Variants in FOXC2 observed in about 807,000 individuals in gnomAD.
The protein encoded by FOXC2 is forkhead box protein C2.
In FOXC2, 7 loss-of-function variants were observed where a neutral mutation model predicts 7.2. That is an observed-to-expected ratio of 0.97 (90% CI 0.55 to 1.81). The LOEUF (loss-of-function observed/expected upper bound fraction) is 1.81, where lower values mean the gene tolerates loss of function less well. Ranked by LOEUF, FOXC2 falls within the 40% of genes most tolerant of loss-of-function variation. The pLI, the probability that FOXC2 is intolerant of heterozygous loss-of-function variation, is 0.00. For synonymous variants in FOXC2, 436 were observed against 350.4 expected, an observed-to-expected ratio of 1.24 and a Z score of -2.73; for missense variants, 846 against 741.2, an observed-to-expected ratio of 1.14 and a Z score of -1.64.
Position 86,568,648 on chromosome 16 carries a change from A to T in FOXC2, c.1313A>T (p.His438Leu), listed in dbSNP as rs761837862. ...HSGDLNHLPGHTFAAQQQTFP... is the reference protein window; with the variant it reads ...HSGDLNHLPGLTFAAQQQTFP... ...GGGGACCTGAACCACCTCCCCGGCC[A>T]CACGTTCGCGGCCCAGCAGCAAACT... The change falls in exon 1 of 1, where the codon CAC (histidine) becomes CTC (leucine). Residue 438 changes from histidine (H) to leucine (L), a missense_variant. By Grantham distance (99) the His-to-Leu change is moderately conservative. Around this residue, in one of 3 missense-constraint regions of FOXC2, gnomAD observed 640 missense variants for 503.2 expected, o/e 1.27. Coordinates refer to ENST00000649859, the MANE Select transcript of FOXC2 (RefSeq NM_005251.3). The surrounding 1 kb of genome is among the most constrained non-coding windows in gnomAD (Gnocchi z 5.2). 8 of 1,612,426 alleles carry T rather than the reference A, an allele frequency of 5.0e-6. 1 individual carries two copies. In the South Asian group the frequency reaches 8.8e-5, roughly 18 times the overall value.
chr16:86,567,396 G>C lies in FOXC2; in HGVS notation c.61G>C (p.Glu21Gln). 6 of 1,613,290 alleles carry C rather than the reference G, an allele frequency of 3.7e-6. No homozygotes were observed. Among genetic ancestry groups the C allele is most frequent in the Non-Finnish European group, 5.1e-6 (6 of 1,179,860 alleles). Residue 21 changes from glutamate to glutamine, a missense_variant, in exon 1 of 1, where the codon GAG becomes CAG. By Grantham distance (29) the Glu-to-Gln change is conservative (BLOSUM62 2). This residue lies in a region of FOXC2 where 154 missense variants were observed against 134.2 expected (regional missense o/e 1.15). Transcript: ENST00000649859. ...NALGVVPYLS[E>Q]QNYYRAAGSY... ...CCTGGGAGTGGTGCCCTACCTGAGCGAGCAGAATTACTACCGGGCTGCGGG... is the reference window on the plus strand; with the variant it reads ...CCTGGGAGTGGTGCCCTACCTGAGCCAGCAGAATTACTACCGGGCTGCGGG...
chr16:86,568,659 G>A lies in FOXC2; in HGVS notation c.1324G>A (p.Ala442Thr). Residue 442 changes from alanine to threonine, a missense_variant, in exon 1 of 1, where the codon GCC becomes ACC. Ala to Thr is a moderately conservative substitution (Grantham distance 58). Around this residue, in one of 3 missense-constraint regions of FOXC2, gnomAD observed 640 missense variants for 503.2 expected, o/e 1.27. Coordinates refer to ENST00000649859, the MANE Select transcript of FOXC2 (RefSeq NM_005251.3). This position sits in a 1 kb window ranked among gnomAD's most constrained non-coding sequence, Gnocchi z 5.2. ...CCACCTCCCCGGCCACACGTTCGCG[G>A]CCCAGCAGCAAACTTTCCCCAACGT... is the stretch of plus-strand genomic sequence containing the variant. ...LNHLPGHTFA[A>T]QQQTFPNVRE... The A allele has an allele frequency of 2.5e-6, 4 of 1,612,660 alleles. No individual in the cohort carries two copies. The highest frequency in any genetic ancestry group is 3.4e-6 in the Non-Finnish European group (4 of 1,179,934).
chr16:86,567,259 C>A lies in FOXC2; in HGVS notation c.-77C>A. 1.9e-6 allele frequency: 3 copies of A among 1,556,356 alleles called. No individual in the cohort carries two copies. The highest frequency in any genetic ancestry group is 2.3e-5 in the East Asian group (1 of 43,498). On this transcript the variant is annotated 5_prime_UTR_variant, in exon 1 of 1. Coordinates refer to ENST00000649859, the MANE Select transcript of FOXC2 (RefSeq NM_005251.3). ...TCCCCCTCTGGCTCTCTCGCGCTCTCTCGCTCTCAGGGCCCCCCTCGCTCC... is the reference window on the plus strand; with the variant it reads ...TCCCCCTCTGGCTCTCTCGCGCTCTATCGCTCTCAGGGCCCCCCTCGCTCC...
At position 86,567,370 on chromosome 16, in the gene FOXC2, C is replaced by T. The variant is rs773874147; in HGVS notation, c.35C>T (p.Ala12Val). ...QARYSVSDPN[A>V]LGVVPYLSEQ... Reference sequence around the variant, plus strand: ...CGCTACTCCGTGTCCGACCCCAACGCCCTGGGAGTGGTGCCCTACCTGAGC... The same window carrying T: ...CGCTACTCCGTGTCCGACCCCAACGTCCTGGGAGTGGTGCCCTACCTGAGC... The change falls in exon 1 of 1, where the codon GCC (alanine) becomes GTC (valine). Residue 12 changes from alanine to valine, a missense_variant. This residue lies in a region of FOXC2 where 154 missense variants were observed against 134.2 expected (regional missense o/e 1.15). Coordinates refer to ENST00000649859, the MANE Select transcript of FOXC2 (RefSeq NM_005251.3). The T allele has an allele frequency of 9.3e-6, 15 of 1,613,136 alleles. No homozygotes were observed. The South Asian group carries it at 9.9e-5, about 11-fold the overall frequency.
Position 86,568,991 on chromosome 16 carries a change from G to A in FOXC2, c.*150G>A, listed in dbSNP as rs886445584. On this transcript the variant is annotated 3_prime_UTR_variant, in exon 1 of 1. Coordinates refer to ENST00000649859, the MANE Select transcript of FOXC2 (RefSeq NM_005251.3). The surrounding 1 kb of genome is among the most constrained non-coding windows in gnomAD (Gnocchi z 5.2). ...AGACCCGGGAGCAGAGAGCGGGCAC[G>A]CTAGCCCCCAGCCGTCTGTGAAGAG... is the stretch of plus-strand genomic sequence containing the variant. The A allele has an allele frequency of 2.9e-6, 3 of 1,045,604 alleles. No individual in the cohort carries two copies. The highest frequency in any genetic ancestry group is 4.3e-6 in the Non-Finnish European group (3 of 699,108). 64.8% of individuals were successfully genotyped at this position (1,045,604 alleles called of 1,614,324 possible). A position where few individuals can be genotyped will look rare whatever the true frequency, so the allele number is the denominator to read the frequency against.
rs1434797389 is a variant in FOXC2, at chr16:86,569,242, A to G, written c.*401A>G. On this transcript the variant is annotated 3_prime_UTR_variant, in exon 1 of 1. Transcript: ENST00000649859. ...CCCATAGGTGTATGGGGGTCTCTATAGATAATATATGTGCTGTGTGTAATT... is the reference window on the plus strand; with the variant it reads ...CCCATAGGTGTATGGGGGTCTCTATGGATAATATATGTGCTGTGTGTAATT... 3 of 289,164 alleles carry G rather than the reference A, an allele frequency of 1.0e-5. No homozygotes were observed. The East Asian group carries it at 2.6e-4, about 25-fold the overall frequency. The allele number at this position is 289,164 out of a possible 1,614,324, so 17.9% of individuals were successfully genotyped here.
At position 86,569,176 on chromosome 16, in the gene FOXC2, CA is replaced by C; in HGVS notation, c.*338del. The C allele has an allele frequency of 6.9e-6, 3 of 436,998 alleles. No homozygotes were observed. Among genetic ancestry groups the C allele is most frequent in the Non-Finnish European group, 1.3e-5 (3 of 227,494 alleles). The allele number at this position is 436,998 out of a possible 1,614,324, so 27.1% of individuals were successfully genotyped here. A position where few individuals can be genotyped will look rare whatever the true frequency, so the allele number is the denominator to read the frequency against. ...AGCTTTCAAAAGTTAAGTTATGGAC[CA>C]AATCCCATAGCGAGCCCCTAGTGAC... On this transcript the variant is annotated 3_prime_UTR_variant, in exon 1 of 1. Coordinates refer to ENST00000649859, the MANE Select transcript of FOXC2 (RefSeq NM_005251.3).
In FOXC2 at chr16:86,569,123, C is replaced by T. The variant is rs1248304650; in HGVS notation, c.*282C>T. ...TTGATCTTAAAATCCCCCTCCCCTA[C>T]CAGGACGGCTGTGCTGTGCTCGACC... is the stretch of plus-strand genomic sequence containing the variant. On this transcript the variant is annotated 3_prime_UTR_variant, in exon 1 of 1. Transcript: ENST00000649859. 1.8e-6 allele frequency: 1 copy of T among 545,648 alleles called. No homozygotes were observed. The highest frequency in any genetic ancestry group is 1.9e-5 in the African/African-American group (1 of 52,334). The allele number at this position is 545,648 out of a possible 1,614,324, so 33.8% of individuals were successfully genotyped here.
chr16:86,568,879 T>C lies in FOXC2; in HGVS notation c.*38T>C. On this transcript the variant is annotated 3_prime_UTR_variant, in exon 1 of 1. Transcript: ENST00000649859. The surrounding 1 kb of genome is among the most constrained non-coding windows in gnomAD (Gnocchi z 5.2). ...CCTCCCCTCCCCGGCCCGCTCCGGC[T>C]TCGCTTCCCAGCCCCGACCCAACCA... is the stretch of plus-strand genomic sequence containing the variant. 1.2e-6 allele frequency: 2 copies of C among 1,610,900 alleles called. No homozygotes were observed. The highest frequency in any genetic ancestry group is 1.7e-6 in the Non-Finnish European group (2 of 1,178,936).
rs772047146 is a variant in FOXC2, at chr16:86,568,733, C to G, written c.1398C>G (p.Leu466=). 1.5e-5 allele frequency: 25 copies of G among 1,612,972 alleles called. No homozygotes were observed. Among genetic ancestry groups the G allele is most frequent in the Non-Finnish European group, 2.1e-5 (25 of 1,180,010 alleles). Residue 466 remains leucine, a synonymous_variant, in exon 1 of 1, where the codon CTC becomes CTG. Transcript: ENST00000649859. This position sits in a 1 kb window ranked among gnomAD's most constrained non-coding sequence, Gnocchi z 5.2. The part of the protein sequence containing the change: ...SHRLGIENST[L]GESQVSGNAS... Reference sequence around the variant, plus strand: ...GGCTGGGGATTGAGAACTCGACCCTCGGGGAGTCCCAGGTGAGTGGCAATG... The same window carrying G: ...GGCTGGGGATTGAGAACTCGACCCTGGGGGAGTCCCAGGTGAGTGGCAATG...
Position 86,568,459 on chromosome 16 carries a change from C to A in FOXC2, c.1124C>A (p.Ala375Asp). Reference protein sequence around the residue: ...PTSPLSALNLAAGQEGALAAT... With the variant: ...PTSPLSALNLDAGQEGALAAT... ...TCGCCCCTGAGCGCTCTCAACCTCGCCGCCGGCCAGGAGGGCGCGCTCGCC... is the reference window on the plus strand; with the variant it reads ...TCGCCCCTGAGCGCTCTCAACCTCGACGCCGGCCAGGAGGGCGCGCTCGCC... The change falls in exon 1 of 1, where the codon GCC becomes GAC. Residue 375 changes from alanine to aspartate, a missense_variant. Ala to Asp is a moderately radical substitution (Grantham distance 126). Transcript: ENST00000649859. The surrounding 1 kb of genome is among the most constrained non-coding windows in gnomAD (Gnocchi z 5.2). 7.4e-7 allele frequency: 1 copy of A among 1,348,944 alleles called. No homozygotes were observed. 83.6% of individuals were successfully genotyped at this position (1,348,944 alleles called of 1,614,324 possible). A position where few individuals can be genotyped will look rare whatever the true frequency, so the allele number is the denominator to read the frequency against.
In FOXC2 at chr16:86,567,451, G is replaced by C; in HGVS notation, c.116G>C (p.Gly39Ala). Reference sequence around the variant, plus strand: ...TACGGCGGCATGGCCAGCCCCATGGGCGTCTATTCCGGCCACCCGGAGCAG... The same window carrying C: ...TACGGCGGCATGGCCAGCCCCATGGCCGTCTATTCCGGCCACCCGGAGCAG... ...GSYGGMASPM[G>A]VYSGHPEQYS... Residue 39 changes from glycine (G) to alanine (A), a missense_variant, in exon 1 of 1, where the codon GGC (glycine) becomes GCC (alanine). Coordinates refer to ENST00000649859, the MANE Select transcript of FOXC2 (RefSeq NM_005251.3). The C allele has an allele frequency of 6.2e-7, 1 of 1,613,412 alleles. No homozygotes were observed. Among genetic ancestry groups the C allele is most frequent in the South Asian group, 1.1e-5 (1 of 91,066 alleles).
Position 86,568,041 on chromosome 16 carries a change from G to C in FOXC2, c.706G>C (p.Ala236Pro). Reference protein sequence around the residue: ...TKVETLSPESALQGSPRSAAS... With the variant: ...TKVETLSPESPLQGSPRSAAS... Reference sequence around the variant, plus strand: ...GGTGGAGACGCTGAGCCCCGAGAGCGCGCTGCAGGGCAGCCCGCGCAGCGC... The same window carrying C: ...GGTGGAGACGCTGAGCCCCGAGAGCCCGCTGCAGGGCAGCCCGCGCAGCGC... Residue 236 changes from alanine (A) to proline (P), a missense_variant, in exon 1 of 1, where the codon GCG becomes CCG. By Grantham distance (27) the Ala-to-Pro change is conservative (BLOSUM62 -1). Coordinates refer to ENST00000649859, the MANE Select transcript of FOXC2 (RefSeq NM_005251.3). The surrounding 1 kb of genome is among the most constrained non-coding windows in gnomAD (Gnocchi z 5.2). 2 of 1,464,248 alleles carry C rather than the reference G, an allele frequency of 1.4e-6. No individual in the cohort carries two copies. Among genetic ancestry groups the C allele is most frequent in the Non-Finnish European group, 1.8e-6 (2 of 1,119,340 alleles). The allele number at this position is 1,464,248 out of a possible 1,614,324, so 90.7% of individuals were successfully genotyped here. A position where few individuals can be genotyped will look rare whatever the true frequency, so the allele number is the denominator to read the frequency against.
At position 86,569,595 on chromosome 16, in the gene FOXC2, G is replaced by C. The variant is rs559494592; in HGVS notation, c.*754G>C. 1.2e-5 allele frequency: 2 copies of C among 160,510 alleles called. No homozygotes were observed. Among genetic ancestry groups the C allele is most frequent in the African/African-American group, 5.1e-5 (2 of 39,326 alleles). 9.9% of individuals were successfully genotyped at this position (160,510 alleles called of 1,614,324 possible). On this transcript the variant is annotated 3_prime_UTR_variant, in exon 1 of 1. Coordinates refer to ENST00000649859, the MANE Select transcript of FOXC2 (RefSeq NM_005251.3). The stretch of plus-strand genomic sequence containing the variant: ...AAAGTGTGATGGTTTTGTATAGTAG[G>C]TTCCACCCTGAGTATTCCTAAAAGA...
Position 86,568,679 on chromosome 16 carries a change from C to T in FOXC2, c.1344C>T (p.Pro448=). Reference sequence around the variant, plus strand: ...TCGCGGCCCAGCAGCAAACTTTCCCCAACGTGCGGGAGATGTTCAACTCCC... The same window carrying T: ...TCGCGGCCCAGCAGCAAACTTTCCCTAACGTGCGGGAGATGTTCAACTCCC... ...HTFAAQQQTF[P]NVREMFNSHR... The change falls in exon 1 of 1, where the codon CCC becomes CCT. Residue 448 remains proline (P), a synonymous_variant. Coordinates refer to ENST00000649859, the MANE Select transcript of FOXC2 (RefSeq NM_005251.3). The surrounding 1 kb of genome is among the most constrained non-coding windows in gnomAD (Gnocchi z 5.2). 6.2e-7 allele frequency: 1 copy of T among 1,612,854 alleles called. No individual in the cohort carries two copies. The highest frequency in any genetic ancestry group is 8.5e-7 in the Non-Finnish European group (1 of 1,179,994).
At position 86,567,237 on chromosome 16, in the gene FOXC2, C is replaced by A; in HGVS notation, c.-99C>A. On this transcript the variant is annotated 5_prime_UTR_variant, in exon 1 of 1. Transcript: ENST00000649859. ...CGCCCCTCCCGCTCCCCTCCTCTCC[C>A]CCTCTGGCTCTCTCGCGCTCTCTCG... 7.1e-7 allele frequency: 1 copy of A among 1,405,042 alleles called. No homozygotes were observed. Among genetic ancestry groups the A allele is most frequent in the Non-Finnish European group, 9.8e-7 (1 of 1,017,762 alleles). The allele number at this position is 1,405,042 out of a possible 1,614,324, so 87.0% of individuals were successfully genotyped here. A position where few individuals can be genotyped will look rare whatever the true frequency, so the allele number is the denominator to read the frequency against.
chr16:86,568,866 G>A lies in FOXC2; in HGVS notation c.*25G>A. 6.2e-7 allele frequency: 1 copy of A among 1,611,458 alleles called. No individual in the cohort carries two copies. The highest frequency in any genetic ancestry group is 8.5e-7 in the Non-Finnish European group (1 of 1,179,244). On this transcript the variant is annotated 3_prime_UTR_variant, in exon 1 of 1. Coordinates refer to ENST00000649859, the MANE Select transcript of FOXC2 (RefSeq NM_005251.3). The surrounding 1 kb of genome is among the most constrained non-coding windows in gnomAD (Gnocchi z 5.2). Reference sequence around the variant, plus strand: ...ACGTGTCCCGGGACCTCCCCTCCCCGGCCCGCTCCGGCTTCGCTTCCCAGC... The same window carrying A: ...ACGTGTCCCGGGACCTCCCCTCCCCAGCCCGCTCCGGCTTCGCTTCCCAGC...
At position 86,569,121 on chromosome 16, in the gene FOXC2, TACC is replaced by T; in HGVS notation, c.*282_*284del. On this transcript the variant is annotated 3_prime_UTR_variant, in exon 1 of 1. Transcript: ENST00000649859. Reference sequence around the variant, plus strand: ...TATTGATCTTAAAATCCCCCTCCCCTACCAGGACGGCTGTGCTGTGCTCGACCT... The same window carrying T: ...TATTGATCTTAAAATCCCCCTCCCCTAGGACGGCTGTGCTGTGCTCGACCT... The T allele has an allele frequency of 1.9e-6, 1 of 536,536 alleles. No homozygotes were observed. The highest frequency in any genetic ancestry group is 3.2e-5 in the Admixed American group (1 of 31,502). The allele number at this position is 536,536 out of a possible 1,614,324, so 33.2% of individuals were successfully genotyped here. A position where few individuals can be genotyped will look rare whatever the true frequency, so the allele number is the denominator to read the frequency against.
chr16:86,568,886 C>T lies in FOXC2; in HGVS notation c.*45C>T. 6.2e-7 allele frequency: 1 copy of T among 1,609,244 alleles called. No homozygotes were observed. The highest frequency in any genetic ancestry group is 8.5e-7 in the Non-Finnish European group (1 of 1,177,908). ...TCCCCGGCCCGCTCCGGCTTCGCTT[C>T]CCAGCCCCGACCCAACCAGACAATT... is the stretch of plus-strand genomic sequence containing the variant. On this transcript the variant is annotated 3_prime_UTR_variant, in exon 1 of 1. Coordinates refer to ENST00000649859, the MANE Select transcript of FOXC2 (RefSeq NM_005251.3). The surrounding 1 kb of genome is among the most constrained non-coding windows in gnomAD (Gnocchi z 5.2).
Sources: allele counts gnomAD v4.1 joint callset, GRCh38; gene constraint gnomAD v4.1.1; regional missense constraint gnomAD v4.1.1; non-coding constraint Gnocchi (gnomAD v3.1); transcripts MANE v1.5; gene names NCBI Gene and HGNC (gene_info 2026-07-23, HGNC 2026-07-21).